ADGRB1: variants seen among roughly 807,000 people sequenced by gnomAD.
ADGRB1 encodes the protein adhesion G protein-coupled receptor B1.
ADGRB1 carries 36 observed loss-of-function variants against 175.7 expected under a neutral mutation model. That is an observed-to-expected ratio of 0.20 (90% CI 0.16 to 0.27). The LOEUF is 0.27. Ranked by LOEUF, ADGRB1 falls within the 10% of genes least tolerant of loss-of-function variation. ADGRB1 has a pLI of 1.00. For missense variants in ADGRB1, 1,731 were observed against 2,255.3 expected, an observed-to-expected ratio of 0.77 and a Z score of 4.71; for synonymous variants, 1,054 against 979.4, an observed-to-expected ratio of 1.08 and a Z score of -1.42.
intron 10 of ADGRB1, 48 bp from the exon 11 acceptor site, chr8:142,481,469 G>A: frequency 6.3e-7 from 1 of 1,578,750 alleles, no homozygotes; most frequent in Non-Finnish European, 8.6e-7. Flanking sequence ...TGGCTGCCTG[G>A]ACATGTTCCA....
chr8:142,465,995 G>A (rs1467301592), intron 2 of ADGRB1, among the ~76,000 whole-genome samples: 2 of 152,186 alleles, frequency 1.3e-5, no homozygotes, highest in African/African-American at 4.8e-5. Context: ...AGGCCCCGTG[G>A]GCCTCAGTGC....
intron 2 of ADGRB1, 118 bp downstream of exon 2, chr8:142,465,100 CGGAGGTGGGTGGGTAGG>C: frequency 5.3e-6 from 1 of 189,212 alleles, no homozygotes; most frequent in Non-Finnish European, 9.6e-6. Context: ...GGCGGGCAGG[CGGAGGTGGGTGGGTAGG>C]GGAGGTGGAC....
In ADGRB1 at chr8:142,524,849, C is replaced by T. The variant is rs144344788; in HGVS notation, c.3312+545C>T. Among the ~76,000 whole-genome samples the T allele has an allele frequency of 1.3e-3, 198 of 152,234 alleles. 1 individual carries two copies. The highest frequency in any genetic ancestry group is 4.7e-3 in the African/African-American group (194 of 41,530). ...GGCAGGTGGCACGCAGGGTCACCGT[C>T]CTGGGGTCACAGATGAGCTGCGGCA... On this transcript the variant is annotated intron_variant, in intron 23 of 30. Coordinates refer to ENST00000517894, the MANE Select transcript of ADGRB1 (RefSeq NM_001702.3).
chr8:142,495,125 G>A (rs538279802), intron 17 of ADGRB1, among the ~76,000 whole-genome samples: 16 of 152,186 alleles, frequency 1.1e-4, no homozygotes, highest in Non-Finnish European at 1.8e-4. Flanking sequence ...ATGGATGTGC[G>A]AAGGGGTTCT....
intron 17 of ADGRB1, among the ~76,000 whole-genome samples, chr8:142,508,938 G>A (rs1842955324): frequency 6.6e-6 from 1 of 152,354 alleles, no homozygotes; most frequent in East Asian, 1.9e-4. Context: ...ACCTCAGGCC[G>A]GCTCCCGGGC....
At chr8:142,488,628 C>G (rs374737900) in intron 14 of ADGRB1, 121 bp downstream of exon 14, 1 of 1,342,340 alleles carries the variant, frequency 7.4e-7, no homozygotes, top group Admixed American at 2.4e-5. Flanking sequence ...CAAGGGGGTC[C>G]TCTTTTCCAG....
At chr8:142,470,312 T>C (rs1001325219) in intron 2 of ADGRB1, among the ~76,000 whole-genome samples, 3 of 152,164 alleles carry the variant, frequency 2.0e-5, no homozygotes, top group Non-Finnish European at 4.4e-5. Flanking sequence ...CATGTTTTAA[T>C]TAAAGAATTT....
rs1299295144 is a variant in ADGRB1, at chr8:142,544,478, G to A, written c.*61G>A. The stretch of plus-strand genomic sequence containing the variant: ...GAGGGATGCTGCTCCGCCCGCTCCT[G>A]CCGCAGACGGGCACAGACACGCTCG... On this transcript the variant is annotated 3_prime_UTR_variant, in exon 31 of 31. Transcript: ENST00000517894. 7.1e-7 allele frequency: 1 copy of A among 1,412,864 alleles called. No homozygotes were observed. The highest frequency in any genetic ancestry group is 1.5e-5 in the African/African-American group (1 of 66,796). The allele number at this position is 1,412,864 out of a possible 1,614,324, so 87.5% of individuals were successfully genotyped here.
intron 17 of ADGRB1, among the ~76,000 whole-genome samples, chr8:142,509,988 G>A (rs1224606311): frequency 2.6e-5 from 4 of 152,190 alleles, no homozygotes; most frequent in Non-Finnish European, 5.9e-5. Context: ...CCAGGTCTGT[G>A]AAGGAGGGAC....
Position 142,489,255 on chromosome 8 carries a change from C to G in ADGRB1, c.2529-81C>G, listed in dbSNP as rs1352890598. The stretch of plus-strand genomic sequence containing the variant: ...GGAGGGTGGCGGCGGGTACAGGGGC[C>G]CTCGGGGGCACCTGGGGAAGGGCCA... On this transcript the variant is annotated intron_variant, in intron 15 of 30. Transcript: ENST00000517894. The G allele has an allele frequency of 1.9e-6, 3 of 1,571,908 alleles. No homozygotes were observed. The African/African-American group carries it at 4.1e-5, about 21-fold the overall frequency.
rs1231353897 is a variant in ADGRB1 at position 142,518,902 on chromosome 8, C to T, written c.2921+661C>T. ...GGACTCCCAACGTGTCCAGAGGACA[C>T]GTGGCTCCGGCTCTGCAGGCAGCGC... On this transcript the variant is annotated intron_variant, in intron 19 of 30. Transcript: ENST00000517894. Among the ~76,000 whole-genome samples the T allele has an allele frequency of 3.9e-5, 6 of 152,224 alleles. No homozygotes were observed. In the East Asian group the frequency reaches 9.6e-4, roughly 24 times the overall value.
intron 19 of ADGRB1, 32 bp downstream of exon 19, chr8:142,518,273 T>G (rs13254098): frequency 1 from 1,609,086 of 1,609,132 alleles, 804,520 homozygotes; most frequent in Middle Eastern, 1. Context: ...GGCATGCATG[T>G]CTGTGGCTCC....
In ADGRB1 at chr8:142,449,904, G is replaced by A. The variant is rs1313098819; in HGVS notation, c.-420G>A. 1 of 148,216 alleles carries A rather than the reference G, an allele frequency of 6.7e-6. No homozygotes were observed. The highest frequency in any genetic ancestry group is 2.1e-4 in the South Asian group (1 of 4,802). The allele number at this position is 148,216 out of a possible 1,614,324, so 9.2% of individuals were successfully genotyped here. A position where few individuals can be genotyped will look rare whatever the true frequency, so the allele number is the denominator to read the frequency against. The stretch of plus-strand genomic sequence containing the variant: ...TCCAGCAGGCGCGGGGGAACGGGAG[G>A]GGGCCTGCGTGCGCCGGCGGGTGCT... On this transcript the variant is annotated 5_prime_UTR_variant, in exon 1 of 31. Coordinates refer to ENST00000517894, the MANE Select transcript of ADGRB1 (RefSeq NM_001702.3).
Position 142,511,886 on chromosome 8 carries a change from T to G in ADGRB1, c.2817+813T>G, listed in dbSNP as rs1362387829. On this transcript the variant is annotated intron_variant, in intron 18 of 30. Coordinates refer to ENST00000517894, the MANE Select transcript of ADGRB1 (RefSeq NM_001702.3). This position sits in a 1 kb window ranked among gnomAD's most constrained non-coding sequence, Gnocchi z 4.5. The stretch of plus-strand genomic sequence containing the variant: ...CCAAGTAACCTCCGCCCAGACCTCG[T>G]GTGGAAGCCTGGGAGGCAGCAGGGG... 6.6e-6 allele frequency among the ~76,000 whole-genome samples: 1 copy of G among 152,078 alleles called. No individual in the cohort carries two copies. The highest frequency in any genetic ancestry group is 1.5e-5 in the Non-Finnish European group (1 of 67,994).
intron 13 of ADGRB1, among the ~76,000 whole-genome samples, chr8:142,486,331 A>G (rs986888150): frequency 6.6e-6 from 1 of 152,232 alleles, no homozygotes; most frequent in Non-Finnish European, 1.5e-5. Context: ...GGCCAAAGTG[A>G]CACAGAAGCT....
intron 8 of ADGRB1, 55 bp downstream of exon 8, chr8:142,479,542 G>A (rs1420984766): frequency 1.2e-5 from 18 of 1,507,616 alleles, no homozygotes; most frequent in East Asian, 9.6e-5. Context: ...GCGATTGGGC[G>A]GGCTTGGGCT....
chr8:142,487,653 C>A (rs1018047241), intron 13 of ADGRB1, among the ~76,000 whole-genome samples: 3 of 152,200 alleles, frequency 2.0e-5, no homozygotes, highest in Admixed American at 1.3e-4. Context: ...GCACCTGCTT[C>A]CACCCCAGCG....
At chr8:142,476,526 CAG>C (rs1467141779) in intron 3 of ADGRB1, 57 bp from the exon 4 acceptor site, 16 of 1,475,166 alleles carry the variant, frequency 1.1e-5, no homozygotes, top group South Asian at 8.5e-5. Flanking sequence ...ACTGTGGCCA[CAG>C]AGAGAGAGGA....
intron 1 of ADGRB1, among the ~76,000 whole-genome samples, chr8:142,461,307 A>G (rs1264870318): frequency 1.3e-5 from 2 of 152,186 alleles, no homozygotes; most frequent in Non-Finnish European, 2.9e-5. Context: ...AGGGTGCCTC[A>G]GTGACAGAGT....
Sources: allele counts gnomAD v4.1 joint callset (sites outside exome capture counted in the v4.1 genomes callset), GRCh38; gene constraint gnomAD v4.1.1; non-coding constraint Gnocchi (gnomAD v3.1); transcripts MANE v1.5; gene names NCBI Gene and HGNC (gene_info 2026-07-23, HGNC 2026-07-21).